The following TTC6 variants were observed in gnomAD, a reference collection of about 807,000 sequenced individuals.
TTC6 encodes tetratricopeptide repeat domain 6, also known as tetratricopeptide repeat protein 6.
TTC6 carries 172 observed loss-of-function variants against 210.4 expected under a neutral mutation model. The observed-to-expected ratio is 0.82, with a 90% CI of 0.72 to 0.93. The LOEUF (loss-of-function observed/expected upper bound fraction) is 0.93. TTC6 is among the 40% of genes least tolerant of loss of function. TTC6 has a pLI of 0.00. For synonymous variants in TTC6, 804 were observed against 819.6 expected, an observed-to-expected ratio of 0.98 and a Z score of 0.32; for missense variants, 2,414 against 2,318.1, an observed-to-expected ratio of 1.04 and a Z score of -0.85.
At chr14:37,787,981 G>A (rs1306417248) in intron 15 of TTC6, among the ~76,000 whole-genome samples, 1 of 151,254 alleles carries the variant, frequency 6.6e-6, no homozygotes, top group East Asian at 1.9e-4. Context: ...AATATACTGG[G>A]TTCTGAAGAT....
rs1043864236 is a variant in TTC6, at chr14:37,691,819, A to G, written c.1258-4898A>G. On this transcript the variant is annotated intron_variant, in intron 3 of 30. Transcript: ENST00000553443. The stretch of plus-strand genomic sequence containing the variant: ...AGCCAGACTAAGAAAAGAAGACAGA[A>G]GATCCAAACAAATAAACTCAGAGAT... 8.9e-4 allele frequency among the ~76,000 whole-genome samples: 136 copies of G among 152,280 alleles called. 1 individual carries two copies. Among genetic ancestry groups the G allele is most frequent in the African/African-American group, 3.2e-3 (132 of 41,566 alleles).
At chr14:37,680,090 G>T (rs1469753318) in intron 1 of TTC6, 61 bp from the exon 4 acceptor site, 1 of 945,412 alleles carries the variant, frequency 1.1e-6, no homozygotes, top group Non-Finnish European at 1.6e-6. Context: ...TTAGTATAAT[G>T]AATAATGTGC....
At chr14:37,749,616 C>A in intron 11 of TTC6, 98 bp from the exon 14 acceptor site, 1 of 1,053,188 alleles carries the variant, frequency 9.5e-7, no homozygotes, top group Non-Finnish European at 1.2e-6. Flanking sequence ...TACGTACATA[C>A]AAAGCCACTG....
intron 1 of TTC6, among the ~76,000 whole-genome samples, chr14:37,605,293 G>C (rs199643628): frequency 3.9e-5 from 6 of 152,198 alleles, no homozygotes; most frequent in African/African-American, 1.2e-4. Flanking sequence ...ACAAATTTTA[G>C]ACAACGAGTT....
chr14:37,823,575 C>T (rs186798103), intron 26 of TTC6, among the ~76,000 whole-genome samples, 172 bp from the exon 29 acceptor site: 2 of 152,218 alleles, frequency 1.3e-5, no homozygotes, highest in African/African-American at 4.8e-5. Flanking sequence ...TGTCACACTT[C>T]CTTAGTCATA....
At chr14:37,651,405 ATATATATATATATATATATATTTTTTTTT>A (rs1296758407) in intron 1 of TTC6, among the ~76,000 whole-genome samples, 321 of 16,092 alleles carry the variant, frequency 0.02, 5 homozygotes, top group African/African-American at 0.083. Flanking sequence ...ATATATATAT[ATATATATATATATATATATATTTTTTTTT>A]TTTTTTTTTT....
intron 14 of TTC6, among the ~76,000 whole-genome samples, chr14:37,770,223 C>G (rs923555401): frequency 2.6e-5 from 4 of 152,052 alleles, no homozygotes; most frequent in East Asian, 1.9e-4. Flanking sequence ...TTACTTCCAA[C>G]TATGTGGTCA....
chr14:37,622,425 T>C (rs1187080234), exon 1 of TTC6: 5 of 1,534,834 alleles, frequency 3.3e-6, no homozygotes, highest in East Asian at 2.5e-5. Context: ...CCGGGACTTT[T>C]ACTTGCGGAG....
At chr14:37,811,165 A>G (rs7159803) in intron 24 of TTC6, among the ~76,000 whole-genome samples, 34,955 of 151,902 alleles carry the variant, frequency 0.23, 4,763 homozygotes, top group Admixed American at 0.35. Context: ...CCCAGTTTTT[A>G]TTTCCTCCTG....
At chr14:37,635,289 A>G (rs980453914) in intron 1 of TTC6, among the ~76,000 whole-genome samples, 4 of 152,226 alleles carry the variant, frequency 2.6e-5, no homozygotes, top group African/African-American at 9.6e-5. Context: ...ATCATGTACT[A>G]TCTACAGAAA....
chr14:37,599,925 G>A (rs1016211363), intron 1 of TTC6, among the ~76,000 whole-genome samples: 10 of 152,136 alleles, frequency 6.6e-5, no homozygotes, highest in Non-Finnish European at 1.2e-4. Flanking sequence ...TGTTCACACC[G>A]GTCAGCGCCT....
chr14:37,599,409 T>C (rs1481963789), intron 1 of TTC6, among the ~76,000 whole-genome samples: 1 of 152,214 alleles, frequency 6.6e-6, no homozygotes, highest in East Asian at 1.9e-4. Context: ...ACCCCGGCTG[T>C]GTGTGCGTGT....
chr14:37,634,959 AGG>A (rs2095677292), intron 1 of TTC6, among the ~76,000 whole-genome samples: 6 of 152,312 alleles, frequency 3.9e-5, no homozygotes, highest in African/African-American at 1.4e-4. Flanking sequence ...CTACCCTAGA[AGG>A]ATGAGTAAAG....
chr14:37,816,617 A>G (rs2096142512), intron 25 of TTC6, among the ~76,000 whole-genome samples: 1 of 152,178 alleles, frequency 6.6e-6, no homozygotes, highest in Non-Finnish European at 1.5e-5. Flanking sequence ...TGCTATTTTC[A>G]TTCCTTCATA....
At position 37,738,758 on chromosome 14, in the gene TTC6, C is replaced by G; in HGVS notation, c.1984-18C>G. 6.9e-7 allele frequency: 1 copy of G among 1,438,930 alleles called. No individual in the cohort carries two copies. Among genetic ancestry groups the G allele is most frequent in the Non-Finnish European group, 9.1e-7 (1 of 1,102,600 alleles). 89.1% of individuals were successfully genotyped at this position (1,438,930 alleles called of 1,614,324 possible). ...AATTGATTTTACGTTTTTTCTACCT[C>G]TTTGCTTGCTTACTAAGCGAGTAAA... On this transcript the variant is annotated intron_variant, in intron 9 of 30. Coordinates refer to ENST00000553443, the Ensembl canonical transcript of TTC6.
chr14:37,776,723 C>G (rs973491261), intron 14 of TTC6, among the ~76,000 whole-genome samples: 1 of 151,240 alleles, frequency 6.6e-6, no homozygotes, highest in African/African-American at 2.4e-5. Context: ...AACCCCGTCT[C>G]TACCAAAAAA....
At chr14:37,749,524 CAG>C in intron 11 of TTC6, 123 bp downstream of exon 13, 6 of 1,092,916 alleles carry the variant, frequency 5.5e-6, no homozygotes, top group Non-Finnish European at 7.2e-6. Context: ...ATTATTATAA[CAG>C]TATAATTATT....
intron 14 of TTC6, among the ~76,000 whole-genome samples, chr14:37,757,877 G>A (rs1314247892): frequency 1.3e-5 from 2 of 152,066 alleles, no homozygotes; most frequent in Non-Finnish European, 2.9e-5. Context: ...CTGGTATGTT[G>A]CGTCTTTGTT....
intron 14 of TTC6, among the ~76,000 whole-genome samples, chr14:37,783,928 T>TCA (rs1168326480): frequency 6.6e-6 from 1 of 152,204 alleles, no homozygotes; most frequent in Non-Finnish European, 1.5e-5. Flanking sequence ...AGCTTCCATG[T>TCA]AGTTGAGCAG....
Sources: gnomAD v4.1 joint callset for allele counts (sites outside exome capture counted in the v4.1 genomes callset) on GRCh38, gnomAD v4.1.1 for gene constraint, MANE v1.5 for transcripts, NCBI Gene and HGNC (gene_info 2026-07-23, HGNC 2026-07-21) for gene names.